Variants in CLUL1 observed in about 807,000 individuals in gnomAD.
CLUL1 encodes clusterin-like protein 1.
In CLUL1, 43 loss-of-function variants were observed where a neutral mutation model predicts 49.4. The observed-to-expected ratio is 0.87, with a 90% CI of 0.68 to 1.12. CLUL1 has a LOEUF of 1.12. CLUL1 is among the 50% of genes most tolerant of loss of function. CLUL1 has a pLI of 0.00. For synonymous variants in CLUL1, 192 were observed against 184.9 expected, an observed-to-expected ratio of 1.04 and a Z score of -0.31; for missense variants, 486 against 544.4, an observed-to-expected ratio of 0.89 and a Z score of 1.07.
intron 7 of CLUL1, among the ~76,000 whole-genome samples, chr18:638,203 A>G (rs2074212864): frequency 6.6e-6 from 1 of 152,234 alleles, no homozygotes; most frequent in Non-Finnish European, 1.5e-5. Flanking sequence ...GGTTATATAC[A>G]GAAGCATAGG....
intron 6 of CLUL1, among the ~76,000 whole-genome samples, chr18:630,627 G>C (rs1361916765): frequency 7.1e-6 from 1 of 140,970 alleles, no homozygotes; most frequent in Non-Finnish European, 1.5e-5. Flanking sequence ...GTATAGAAAT[G>C]AATTCTCCTC....
rs1043732643 is a variant in CLUL1, at chr18:619,282, T to G, written c.176T>G (p.Met59Arg). ...AAGGCTTTGACTGGTATTAAGCAAA[T>G]GAAAATCATGATGGAAAGAAAAGAG... is the stretch of plus-strand genomic sequence containing the variant. Reference protein sequence around the residue: ...VKKALTGIKQMKIMMERKEKE... With the variant: ...VKKALTGIKQRKIMMERKEKE... Residue 59 changes from methionine (M) to arginine (R), a missense_variant, in exon 4 of 10, where the codon ATG becomes AGG. Coordinates refer to ENST00000692774, the MANE Select transcript of CLUL1 (RefSeq NM_001393344.1). 2 of 1,613,856 alleles carry G rather than the reference T, an allele frequency of 1.2e-6. No homozygotes were observed. Among genetic ancestry groups the G allele is most frequent in the Admixed American group, 3.3e-5 (2 of 59,994 alleles).
At chr18:637,682 C>T (rs1475837154) in intron 7 of CLUL1, among the ~76,000 whole-genome samples, 1 of 152,126 alleles carries the variant, frequency 6.6e-6, no homozygotes, top group Non-Finnish European at 1.5e-5. Flanking sequence ...GTTGAGAGTG[C>T]TCTTTCTCCT....
chr18:645,792 T>TA (rs869103727), intron 9 of CLUL1, among the ~76,000 whole-genome samples: 307 of 16,058 alleles, frequency 0.019, 112 homozygotes, highest in South Asian at 0.034. Flanking sequence ...AGACTCTGTT[T>TA]AAAAAAAAAA....
chr18:644,594 G>A (rs1222558735), intron 8 of CLUL1, among the ~76,000 whole-genome samples: 5 of 152,222 alleles, frequency 3.3e-5, no homozygotes, highest in African/African-American at 1.2e-4. Flanking sequence ...GATTGAGACA[G>A]TGAAGAGCCT....
At chr18:639,151 G>A (rs1229159888) in intron 7 of CLUL1, among the ~76,000 whole-genome samples, 1 of 152,166 alleles carries the variant, frequency 6.6e-6, no homozygotes, top group Non-Finnish European at 1.5e-5. Context: ...ATACAGCCGG[G>A]TGTGGTGGCT....
chr18:628,661 G>A (rs1361410007), intron 6 of CLUL1, among the ~76,000 whole-genome samples: 1 of 147,458 alleles, frequency 6.8e-6, no homozygotes, highest in East Asian at 1.9e-4. Context: ...TTTTGAGATG[G>A]AGTGTTGCTC....
chr18:647,836 C>T (rs72867125), intron 9 of CLUL1, among the ~76,000 whole-genome samples: 2 of 152,310 alleles, frequency 1.3e-5, no homozygotes, highest in Non-Finnish European at 2.9e-5. Flanking sequence ...TAGCACTCAA[C>T]TCTTGTAAGT....
intron 5 of CLUL1, among the ~76,000 whole-genome samples, chr18:626,865 A>T (rs1473703378): frequency 0.01 from 2 of 196 alleles, no homozygotes; most frequent in Non-Finnish European, 0.059. Context: ...CATCTCAAAT[A>T]AGAAAGAAAG....
chr18:637,951 A>G (rs2074201994), intron 7 of CLUL1, among the ~76,000 whole-genome samples: 1 of 150,594 alleles, frequency 6.6e-6, no homozygotes. Flanking sequence ...TGGGCCTCAG[A>G]GCGAGACTCT....
intron 7 of CLUL1, among the ~76,000 whole-genome samples, chr18:636,541 T>A (rs1320561918): frequency 2.0e-5 from 3 of 152,008 alleles, no homozygotes; most frequent in Admixed American, 2.0e-4. Context: ...AATAAAAAAA[T>A]GAGTTTAATA....
At chr18:630,851 T>A (rs2073976033) in intron 6 of CLUL1, among the ~76,000 whole-genome samples, 1 of 149,796 alleles carries the variant, frequency 6.7e-6, no homozygotes. Flanking sequence ...CACGCCCAGC[T>A]AATTTTTGCA....
At chr18:623,450 G>T in intron 4 of CLUL1, among the ~76,000 whole-genome samples, 1 of 152,044 alleles carries the variant, frequency 6.6e-6, no homozygotes, top group East Asian at 1.9e-4. Context: ...TTCGAGATCA[G>T]CCTGGGCAAA....
chr18:605,308 T>C (rs1185399529), intron 1 of CLUL1, among the ~76,000 whole-genome samples: 1 of 152,224 alleles, frequency 6.6e-6, no homozygotes, highest in Non-Finnish European at 1.5e-5. Context: ...AGAAGGAACA[T>C]TCTGTACAGT....
At chr18:645,570 C>A (rs925139644) in intron 9 of CLUL1, among the ~76,000 whole-genome samples, 6 of 150,838 alleles carry the variant, frequency 4.0e-5, no homozygotes, top group African/African-American at 1.5e-4. Context: ...CTGAGGCGGG[C>A]GGATCACGAG....
chr18:627,363 A>T lies in CLUL1; in HGVS notation c.690A>T (p.Pro230=). 5 of 1,614,144 alleles carry T rather than the reference A, an allele frequency of 3.1e-6. No homozygotes were observed. The highest frequency in any genetic ancestry group is 4.2e-6 in the Non-Finnish European group (5 of 1,180,024). Residue 230 remains proline, a synonymous_variant, in exon 6 of 10, where the codon CCA becomes CCT. Coordinates refer to ENST00000692774, the MANE Select transcript of CLUL1 (RefSeq NM_001393344.1). ...ACCTAACTGAGCCTTACTTTTTTCC[A>T]GCTTTCTCTAAAGAGCCGATGACAA... The part of the protein sequence containing the change: ...DTDLTEPYFF[P]AFSKEPMTKA...
At chr18:604,884 G>A (rs988400266) in intron 1 of CLUL1, among the ~76,000 whole-genome samples, 19 of 152,182 alleles carry the variant, frequency 1.2e-4, no homozygotes, top group Non-Finnish European at 2.4e-4. Flanking sequence ...TTCCCTGTTC[G>A]TATAAGGCAT....
intron 6 of CLUL1, among the ~76,000 whole-genome samples, chr18:632,149 C>T (rs574378730): frequency 2.7e-4 from 41 of 152,220 alleles, no homozygotes; most frequent in Middle Eastern, 6.8e-3. Flanking sequence ...TATTGGGAAC[C>T]GCCAATTTTC....
chr18:599,587 C>G (rs2072760853), intron 1 of CLUL1, among the ~76,000 whole-genome samples: 1 of 151,864 alleles, frequency 6.6e-6, no homozygotes, highest in Admixed American at 6.6e-5. Flanking sequence ...ATTTTTATCA[C>G]CAGATTTATT....
Sources: allele counts gnomAD v4.1 joint callset (sites outside exome capture counted in the v4.1 genomes callset), GRCh38; gene constraint gnomAD v4.1.1; transcripts MANE v1.5; gene names NCBI Gene and HGNC (gene_info 2026-07-23, HGNC 2026-07-21).